MCC: variants seen among roughly 807,000 people sequenced by gnomAD.
MCC encodes the protein MCC regulator of Wnt signaling pathway.
In MCC, 90 loss-of-function variants were observed where a neutral mutation model predicts 116.2. The observed-to-expected ratio is 0.77, with a 90% CI of 0.65 to 0.92. MCC has a LOEUF of 0.92. MCC is among the 40% of genes least tolerant of loss of function. The pLI is 0.00. For synonymous variants in MCC, 578 were observed against 510.5 expected, an observed-to-expected ratio of 1.13 and a Z score of -1.78; for missense variants, 1,516 against 1,312.2, an observed-to-expected ratio of 1.16 and a Z score of -2.40.
At chr5:113,256,860 T>C (rs1276989878) in intron 3 of MCC, among the ~76,000 whole-genome samples, 2 of 152,224 alleles carry the variant, frequency 1.3e-5, no homozygotes, top group Non-Finnish European at 2.9e-5. Flanking sequence ...ATCAGATTTT[T>C]GCTTACTCTG....
In MCC at chr5:113,475,165, A is replaced by G. The variant is rs181093341; in HGVS notation, c.170+13080T>C. 7.9e-4 allele frequency among the ~76,000 whole-genome samples: 120 copies of G among 152,354 alleles called. 1 individual carries two copies. In the Middle Eastern group the frequency reaches 0.024, roughly 30 times the overall value. On this transcript the variant is annotated intron_variant, in intron 1 of 18. Coordinates refer to ENST00000408903, the MANE Select transcript of MCC (RefSeq NM_001085377.2). The stretch of plus-strand genomic sequence containing the variant: ...ACTAAACAATGTCACTTGCCATAAT[A>G]TTGAATAGATGCCCAATTAACACCA...
chr5:113,260,038 T>C (rs1226956195), intron 3 of MCC, among the ~76,000 whole-genome samples: 1 of 152,080 alleles, frequency 6.6e-6, no homozygotes, highest in East Asian at 1.9e-4. Flanking sequence ...CCATGTGGCC[T>C]GCATTCATTA....
chr5:113,273,801 C>T (rs1054309390), intron 3 of MCC, among the ~76,000 whole-genome samples: 1 of 152,038 alleles, frequency 6.6e-6, no homozygotes, highest in African/African-American at 2.4e-5. Context: ...ATCTTCTCAT[C>T]CATATTAGAC....
At chr5:113,187,265 T>C (rs1017237366) in intron 3 of MCC, among the ~76,000 whole-genome samples, 3 of 152,188 alleles carry the variant, frequency 2.0e-5, no homozygotes, top group Non-Finnish European at 2.9e-5. Flanking sequence ...TGCGCCACCA[T>C]GCCCAGCTCA....
At chr5:113,059,145 TA>T (rs113689471) in intron 14 of MCC, among the ~76,000 whole-genome samples, 3,096 of 149,726 alleles carry the variant, frequency 0.021, 108 homozygotes, top group African/African-American at 0.071. Context: ...AGGAAGGAAA[TA>T]AAAAAAAAAA....
chr5:113,145,094 T>C (rs1249303468), intron 4 of MCC, among the ~76,000 whole-genome samples: 1 of 152,212 alleles, frequency 6.6e-6, no homozygotes, highest in Non-Finnish European at 1.5e-5. Context: ...TATCAATAAA[T>C]GAAAGAGCTT....
chr5:113,300,770 G>A (rs982980564), intron 3 of MCC, among the ~76,000 whole-genome samples: 1 of 152,074 alleles, frequency 6.6e-6, no homozygotes, highest in African/African-American at 2.4e-5. Flanking sequence ...ATCAATTACC[G>A]GACCAGCTCC....
intron 1 of MCC, among the ~76,000 whole-genome samples, chr5:113,405,465 G>A (rs1580337874): frequency 6.6e-6 from 1 of 152,140 alleles, no homozygotes; most frequent in East Asian, 1.9e-4. Context: ...AATCTGCCAG[G>A]CAAGGTGGTT....
At chr5:113,400,314 G>C (rs555157135) in intron 1 of MCC, among the ~76,000 whole-genome samples, 18 of 151,384 alleles carry the variant, frequency 1.2e-4, no homozygotes, top group Non-Finnish European at 2.2e-4. Flanking sequence ...GTAGAGACAG[G>C]GTTTCACCAT....
chr5:113,112,773 C>G (rs1209835261), intron 6 of MCC, among the ~76,000 whole-genome samples: 1 of 152,156 alleles, frequency 6.6e-6, no homozygotes, highest in Non-Finnish European at 1.5e-5. Context: ...GGAACATGTG[C>G]TCTACAAACA....
At chr5:113,237,492 C>G (rs1000470062) in intron 3 of MCC, among the ~76,000 whole-genome samples, 1 of 152,010 alleles carries the variant, frequency 6.6e-6, no homozygotes, top group Non-Finnish European at 1.5e-5. Context: ...AATGGCAAGC[C>G]AGGAGAATTG....
intron 6 of MCC, among the ~76,000 whole-genome samples, chr5:113,119,091 CTG>C (rs1757576542): frequency 6.6e-6 from 1 of 152,236 alleles, no homozygotes; most frequent in Non-Finnish European, 1.5e-5. Flanking sequence ...CTCCAAACAA[CTG>C]TGAGCTTTGG....
chr5:113,099,156 C>G (rs1207977727), intron 8 of MCC, among the ~76,000 whole-genome samples: 4 of 152,164 alleles, frequency 2.6e-5, no homozygotes, highest in Non-Finnish European at 4.4e-5. Context: ...AGCAATAAAT[C>G]CAATTCATGG....
At chr5:113,090,456 A>G (rs916803048) in intron 8 of MCC, among the ~76,000 whole-genome samples, 1 of 151,904 alleles carries the variant, frequency 6.6e-6, no homozygotes, top group African/African-American at 2.4e-5. Context: ...TTCCAACTCT[A>G]GAGACCTCAA....
chr5:113,391,682 G>A (rs1305396565), intron 1 of MCC, among the ~76,000 whole-genome samples: 1 of 151,786 alleles, frequency 6.6e-6, no homozygotes, highest in Non-Finnish European at 1.5e-5. Context: ...TTGTACTACT[G>A]CACTCCAGCC....
intron 12 of MCC, among the ~76,000 whole-genome samples, chr5:113,068,500 A>G (rs1350272677): frequency 6.6e-6 from 1 of 152,218 alleles, no homozygotes; most frequent in Non-Finnish European, 1.5e-5. Context: ...CACTCCAGGT[A>G]GTCCCGCTGA....
chr5:113,130,166 T>C (rs549884626), intron 5 of MCC, among the ~76,000 whole-genome samples: 2 of 152,184 alleles, frequency 1.3e-5, no homozygotes, highest in South Asian at 4.1e-4. Context: ...TAAAAAAGAA[T>C]TGAGTTCATG....
rs1770731564 is a variant in MCC at position 113,433,491 on chromosome 5, C to G, written c.171-48279G>C. Reference sequence around the variant, plus strand: ...ACAGGCTCTGTGTCCAGCACCTGCTCCGGGTCACGCTCTGGGGGAGTAGGA... The same window carrying G: ...ACAGGCTCTGTGTCCAGCACCTGCTGCGGGTCACGCTCTGGGGGAGTAGGA... On this transcript the variant is annotated intron_variant, in intron 1 of 18. Transcript: ENST00000408903. 2.3e-5 allele frequency: 14 copies of G among 616,278 alleles called. No homozygotes were observed. The South Asian group carries it at 2.6e-4, about 11-fold the overall frequency. The allele number at this position is 616,278 out of a possible 1,614,324, so 38.2% of individuals were successfully genotyped here. A position where few individuals can be genotyped will look rare whatever the true frequency, so the allele number is the denominator to read the frequency against.
intron 11 of MCC, among the ~76,000 whole-genome samples, chr5:113,073,293 G>A (rs928914467): frequency 1.3e-5 from 2 of 152,136 alleles, no homozygotes; most frequent in African/African-American, 4.8e-5. Context: ...CACACATGGC[G>A]TGCGTGAGGC....
Sources: gnomAD v4.1 joint callset for allele counts (sites outside exome capture counted in the v4.1 genomes callset) on GRCh38, gnomAD v4.1.1 for gene constraint, MANE v1.5 for transcripts, NCBI Gene and HGNC (gene_info 2026-07-23, HGNC 2026-07-21) for gene names.